The following SPIDR variants were observed in gnomAD, a reference collection of about 807,000 sequenced individuals.
SPIDR encodes scaffold protein involved in DNA repair.
In SPIDR, 93 loss-of-function variants were observed where a neutral mutation model predicts 104.6. The observed-to-expected ratio is 0.89, with a 90% CI of 0.75 to 1.06. The LOEUF is 1.06. Among genes scored for constraint, SPIDR ranks in the 50% least tolerant of loss-of-function variants. SPIDR has a pLI of 0.00. For synonymous variants in SPIDR, 431 were observed against 416.9 expected (o/e 1.03, Z -0.41); for missense variants, 1,154 against 1,111.2 (o/e 1.04, Z -0.55).
At chr8:47,635,342 A>AAAAAT (rs572798692) in intron 10 of SPIDR, among the ~76,000 whole-genome samples, 1 of 152,168 alleles carries the variant, frequency 6.6e-6, no homozygotes, top group Non-Finnish European at 1.5e-5. Context: ...ACTGTCTCAA[A>AAAAAT]AAAATAAAAT....
intron 5 of SPIDR, among the ~76,000 whole-genome samples, chr8:47,390,388 G>A (rs2060445391): frequency 6.6e-6 from 1 of 151,860 alleles, no homozygotes. Context: ...AAATAGATAA[G>A]TAAAAAGTGG....
chr8:47,570,760 T>C (rs927313399), intron 8 of SPIDR, among the ~76,000 whole-genome samples: 1 of 152,172 alleles, frequency 6.6e-6, no homozygotes, highest in Non-Finnish European at 1.5e-5. Context: ...GAAAAGATTC[T>C]TTCTGCAAAG....
intron 8 of SPIDR, among the ~76,000 whole-genome samples, chr8:47,571,357 T>C (rs1313977778): frequency 6.6e-6 from 1 of 152,230 alleles, no homozygotes; most frequent in East Asian, 1.9e-4. Context: ...TTTCACACTC[T>C]ATACGTACTT....
chr8:47,660,223 TAC>T (rs1021052783), intron 10 of SPIDR, among the ~76,000 whole-genome samples: 1 of 152,372 alleles, frequency 6.6e-6, no homozygotes, highest in Non-Finnish European at 1.5e-5. Context: ...GACGTATTTT[TAC>T]AGTTTTTGAA....
At chr8:47,668,538 C>G (rs546409825) in intron 10 of SPIDR, among the ~76,000 whole-genome samples, 4 of 150,634 alleles carry the variant, frequency 2.7e-5, no homozygotes, top group Admixed American at 2.6e-4. Context: ...TACAAAAAAC[C>G]AAAAATGAAA....
At position 47,423,035 on chromosome 8, in the gene SPIDR, G is replaced by A. The variant is rs141299572; in HGVS notation, c.877+15074G>A. Among the ~76,000 whole-genome samples, 848 of 152,260 alleles carry A rather than the reference G, an allele frequency of 5.6e-3. 7 individuals are homozygous for A. Among genetic ancestry groups the A allele is most frequent in the Middle Eastern group, 0.014 (4 of 294 alleles). ...AAAGAACAGCCAAAGGCCGGGTGTG[G>A]TGTCTCATGCTTATAATCCCAGCAA... On this transcript the variant is annotated intron_variant, in intron 7 of 19. Coordinates refer to ENST00000297423, the MANE Select transcript of SPIDR (RefSeq NM_001080394.4).
intron 11 of SPIDR, among the ~76,000 whole-genome samples, chr8:47,676,659 G>T (rs561319057): frequency 2.0e-5 from 3 of 152,018 alleles, no homozygotes; most frequent in Admixed American, 2.0e-4. Context: ...ATCTAATACC[G>T]AAAATAACCT....
At chr8:47,345,222 C>T (rs1714250608) in intron 5 of SPIDR, among the ~76,000 whole-genome samples, 1 of 152,194 alleles carries the variant, frequency 6.6e-6, no homozygotes, top group Admixed American at 6.5e-5. Context: ...AATAGGGAAT[C>T]CTTTCCCCAT....
chr8:47,417,638 T>C (rs1352441897), intron 7 of SPIDR, among the ~76,000 whole-genome samples: 1 of 152,242 alleles, frequency 6.6e-6, no homozygotes, highest in African/African-American at 2.4e-5. Flanking sequence ...TTAGATCCCA[T>C]TTGTCAATTT....
rs979810802 is a variant in SPIDR at position 47,529,413 on chromosome 8, CA to C, written c.1098-66392del. Among the ~76,000 whole-genome samples, 358 of 151,600 alleles carry C rather than the reference CA, an allele frequency of 2.4e-3. 1 individual carries two copies. The highest frequency in any genetic ancestry group is 6.5e-3 in the African/African-American group (267 of 41,320). On this transcript the variant is annotated intron_variant, in intron 8 of 19. Coordinates refer to ENST00000297423, the MANE Select transcript of SPIDR (RefSeq NM_001080394.4). ...TGGGCAACAGAGCGAGACTCCATCT[CA>C]AAAAATAAATAAATAAAATAAAAAA...
intron 15 of SPIDR, chr8:47,713,224 A>C: frequency 1.7e-6 from 1 of 595,682 alleles, no homozygotes; most frequent in Admixed American, 3.2e-5. Context: ...TGCCTCAGCT[A>C]TCTTTTTTAA....
At chr8:47,500,021 T>C (rs2080125285) in intron 8 of SPIDR, among the ~76,000 whole-genome samples, 1 of 152,202 alleles carries the variant, frequency 6.6e-6, no homozygotes, top group Non-Finnish European at 1.5e-5. Flanking sequence ...ATGTGCCACA[T>C]TTTCTTAATC....
chr8:47,660,564 C>T lies in SPIDR; in HGVS notation c.1545-13237C>T, dbSNP rs2073941685. 5.1e-6 allele frequency: 5 copies of T among 976,234 alleles called. No homozygotes were observed. The South Asian group carries it at 2.4e-4, about 46-fold the overall frequency. 60.5% of individuals were successfully genotyped at this position (976,234 alleles called of 1,614,324 possible). A position where few individuals can be genotyped will look rare whatever the true frequency, so the allele number is the denominator to read the frequency against. On this transcript the variant is annotated intron_variant, in intron 10 of 19. Transcript: ENST00000297423. ...CCTGGAACCACTTTCTGACTGCTGCCTTGTTTTCCCAGTTGAGAGGGGTGA... is the reference window on the plus strand; with the variant it reads ...CCTGGAACCACTTTCTGACTGCTGCTTTGTTTTCCCAGTTGAGAGGGGTGA...
intron 10 of SPIDR, among the ~76,000 whole-genome samples, chr8:47,627,806 T>C (rs1400561832): frequency 6.6e-6 from 1 of 152,172 alleles, no homozygotes; most frequent in Non-Finnish European, 1.5e-5. Flanking sequence ...TGGAAAGGGC[T>C]GTCTTTGTGC....
intron 5 of SPIDR, among the ~76,000 whole-genome samples, chr8:47,349,889 G>C (rs2053093889): frequency 6.6e-6 from 1 of 152,202 alleles, no homozygotes; most frequent in South Asian, 2.1e-4. Flanking sequence ...GCTTCCCTTG[G>C]CTAGGAAAGG....
chr8:47,267,634 C>A (rs1356184904), intron 1 of SPIDR, among the ~76,000 whole-genome samples: 2 of 152,170 alleles, frequency 1.3e-5, no homozygotes, highest in Admixed American at 6.5e-5. Context: ...ACTTATTGGG[C>A]ATTTCTGTAT....
intron 11 of SPIDR, among the ~76,000 whole-genome samples, chr8:47,692,926 G>T (rs1420015796): frequency 6.6e-6 from 1 of 152,148 alleles, no homozygotes; most frequent in Non-Finnish European, 1.5e-5. Context: ...CAGTTCTCTT[G>T]GATAGACAGC....
intron 18 of SPIDR, 86 bp downstream of exon 18, chr8:47,729,133 T>A: frequency 6.4e-7 from 1 of 1,559,750 alleles, no homozygotes; most frequent in Non-Finnish European, 8.6e-7. Flanking sequence ...GTGCACGTCC[T>A]CCTGTACGCC....
chr8:47,381,675 C>G (rs1554645508), intron 5 of SPIDR, among the ~76,000 whole-genome samples: 1 of 152,184 alleles, frequency 6.6e-6, no homozygotes, highest in African/African-American at 2.4e-5. Context: ...GAGCAGAAAC[C>G]AGCGATTGGC....
Sources: allele counts gnomAD v4.1 joint callset (sites outside exome capture counted in the v4.1 genomes callset), GRCh38; gene constraint gnomAD v4.1.1; transcripts MANE v1.5; gene names NCBI Gene and HGNC (gene_info 2026-07-23, HGNC 2026-07-21).